MCTP2: variants seen among roughly 807,000 people sequenced by gnomAD.
The protein encoded by MCTP2 is multiple C2 and transmembrane domain-containing protein 2.
A neutral mutation model predicts 111.6 loss-of-function variants in MCTP2; 132 were observed. The observed-to-expected ratio is 1.18, with a 90% CI of 1.03 to 1.37. MCTP2 has a LOEUF of 1.37. Ranked by LOEUF, MCTP2 falls within the 40% of genes most tolerant of loss-of-function variation. The probability of loss-of-function intolerance (pLI) is 0.00; values close to 1 mark genes in which losing one functional copy is unlikely to be tolerated. For missense variants in MCTP2, 1,183 were observed against 1,067.9 expected, an observed-to-expected ratio of 1.11 and a Z score of -1.50; for synonymous variants, 395 against 387.7, an observed-to-expected ratio of 1.02 and a Z score of -0.22.
intron 1 of MCTP2, among the ~76,000 whole-genome samples, chr15:94,275,942 T>C (rs1281647928): frequency 6.7e-6 from 1 of 150,168 alleles, no homozygotes; most frequent in Non-Finnish European, 1.5e-5. Context: ...TCTGCCTCCC[T>C]GGTTCAAGCA....
At chr15:94,439,797 A>C (rs1164667543) in intron 17 of MCTP2, among the ~76,000 whole-genome samples, 1 of 152,244 alleles carries the variant, frequency 6.6e-6, no homozygotes, top group African/African-American at 2.4e-5. Context: ...CAATATTGGC[A>C]GCCAACTGAA....
At chr15:94,455,011 G>A (rs2084724033) in intron 19 of MCTP2, among the ~76,000 whole-genome samples, 1 of 152,142 alleles carries the variant, frequency 6.6e-6, no homozygotes, top group African/African-American at 2.4e-5. Context: ...TAGTAGAGAC[G>A]GGGTTTTACC....
intron 4 of MCTP2, among the ~76,000 whole-genome samples, chr15:94,325,076 G>T (rs1472194392): frequency 6.6e-6 from 1 of 152,190 alleles, no homozygotes; most frequent in Non-Finnish European, 1.5e-5. Flanking sequence ...GTGCCCTACA[G>T]ACATCATTTT....
chr15:94,364,067 T>TA (rs11429762), intron 10 of MCTP2, among the ~76,000 whole-genome samples: 97,514 of 147,524 alleles, frequency 0.66, 32,217 homozygotes, highest in African/African-American at 0.73. Flanking sequence ...AAATTTACAT[T>TA]AAAAAAAAAA....
chr15:94,328,342 A>G (rs886238722), intron 4 of MCTP2, among the ~76,000 whole-genome samples: 1 of 151,768 alleles, frequency 6.6e-6, no homozygotes, highest in Non-Finnish European at 1.5e-5. Context: ...GTTAGCCAGG[A>G]TGGTCTTGAT....
chr15:94,368,035 G>A (rs9652523), intron 11 of MCTP2, among the ~76,000 whole-genome samples: 3,073 of 152,302 alleles, frequency 0.02, 106 homozygotes, highest in African/African-American at 0.069. Flanking sequence ...TGAATTTTTA[G>A]CGTTTAGCAA....
In MCTP2 at chr15:94,341,141, T is replaced by G. The variant is rs1040841655; in HGVS notation, c.969+217T>G. On this transcript the variant is annotated intron_variant, in intron 7 of 22. Coordinates refer to ENST00000357742, the MANE Select transcript of MCTP2 (RefSeq NM_001385001.1). ...ATTTGTTAAGGAATTATTTCTTTTGTGTTATTAAGATGATCAGGCATACAT... is the reference window on the plus strand; with the variant it reads ...ATTTGTTAAGGAATTATTTCTTTTGGGTTATTAAGATGATCAGGCATACAT... 1.0e-5 allele frequency: 5 copies of G among 492,266 alleles called. No individual in the cohort carries two copies. In the Admixed American group the frequency reaches 1.0e-4, roughly 10 times the overall value. 30.5% of individuals were successfully genotyped at this position (492,266 alleles called of 1,614,324 possible). A position where few individuals can be genotyped will look rare whatever the true frequency, so the allele number is the denominator to read the frequency against.
intron 17 of MCTP2, among the ~76,000 whole-genome samples, chr15:94,437,415 C>A (rs1026428567): frequency 6.6e-6 from 1 of 151,504 alleles, no homozygotes; most frequent in East Asian, 1.9e-4. Context: ...AAAATTGTTC[C>A]GTTGCTATTT....
intron 1 of MCTP2, among the ~76,000 whole-genome samples, chr15:94,293,491 C>T (rs1239089739): frequency 6.6e-6 from 1 of 152,034 alleles, no homozygotes; most frequent in Non-Finnish European, 1.5e-5. Flanking sequence ...AATTAAAAAC[C>T]CAGATGTTGA....
At chr15:94,464,257 T>TTATA (rs1555481313) in intron 20 of MCTP2, among the ~76,000 whole-genome samples, 2,407 of 44,896 alleles carry the variant, frequency 0.054, 238 homozygotes, top group African/African-American at 0.13. Flanking sequence ...TATATATATA[T>TTATA]TATATATATA....
intron 17 of MCTP2, among the ~76,000 whole-genome samples, chr15:94,425,596 A>G (rs2082845500): frequency 6.6e-6 from 1 of 152,166 alleles, no homozygotes; most frequent in Non-Finnish European, 1.5e-5. Flanking sequence ...CAAAAGAAAA[A>G]ACAAAAATAA....
At chr15:94,243,730 T>TGC (rs199753368) in intron 1 of MCTP2, among the ~76,000 whole-genome samples, 56,944 of 141,720 alleles carry the variant, frequency 0.4, 11,416 homozygotes, top group Non-Finnish European at 0.44. Context: ...CACATACATA[T>TGC]GTGTATACAT....
intron 17 of MCTP2, 133 bp from the exon 18 acceptor site, chr15:94,440,043 A>T: frequency 1.0e-6 from 1 of 995,246 alleles, no homozygotes; most frequent in Non-Finnish European, 1.5e-6. Flanking sequence ...GTGTGTGCGT[A>T]CCTGTTTGGA....
intron 12 of MCTP2, among the ~76,000 whole-genome samples, chr15:94,381,979 A>G (rs1429806188): frequency 1.3e-5 from 2 of 152,208 alleles, no homozygotes; most frequent in Non-Finnish European, 2.9e-5. Flanking sequence ...TTCCCATTGT[A>G]TATTTTGAAG....
At position 94,478,997 on chromosome 15, in the gene MCTP2, G is replaced by C; in HGVS notation, c.2600G>C (p.Ser867Thr). The C allele has an allele frequency of 1.2e-6, 2 of 1,614,074 alleles. No individual in the cohort carries two copies. Among genetic ancestry groups the C allele is most frequent in the Non-Finnish European group, 1.7e-6 (2 of 1,180,004 alleles). Residue 867 changes from serine to threonine, a missense_variant, in exon 23 of 23, where the codon AGC becomes ACC. Physicochemically the swap from Ser to Thr is moderately conservative, Grantham distance 58. Transcript: ENST00000357742. Reference protein sequence around the residue: ...VQYAELKLCSSHSPLRKKRSA... With the variant: ...VQYAELKLCSTHSPLRKKRSA... ...TATGCAGAATTGAAACTCTGCAGCA[G>C]CCACAGCCCCCTGCGGAAGAAGCGC...
rs1040425030 is a variant in MCTP2, at chr15:94,339,432, G to T, written c.780G>T (p.Lys260Asn). Residue 260 changes from lysine (K) to asparagine (N), a missense_variant and splice_region_variant, in exon 5 of 23, where the codon AAG becomes AAT. Coordinates refer to ENST00000357742, the MANE Select transcript of MCTP2 (RefSeq NM_001385001.1). The part of the protein sequence containing the change: ...IQSLDQKLRV[K>N]VYDRDLTTSD... ...GCCTTGATCAAAAGCTACGTGTGAA[G>T]GTAATCACAGATAGCTTTCAAATCT... The T allele has an allele frequency of 1.9e-6, 3 of 1,584,542 alleles. No individual in the cohort carries two copies. Among genetic ancestry groups the T allele is most frequent in the Non-Finnish European group, 2.6e-6 (3 of 1,167,520 alleles).
At chr15:94,396,717 T>C (rs1256759818) in intron 14 of MCTP2, among the ~76,000 whole-genome samples, 1 of 152,192 alleles carries the variant, frequency 6.6e-6, no homozygotes. Flanking sequence ...GCTTTTATCT[T>C]TTCTCTAAAG....
intron 10 of MCTP2, among the ~76,000 whole-genome samples, chr15:94,364,491 A>G (rs537193789): frequency 6.6e-6 from 1 of 152,298 alleles, no homozygotes; most frequent in East Asian, 1.9e-4. Context: ...ACACTAATGA[A>G]AAAGAAGAAG....
At chr15:94,422,284 A>G (rs2152494505) in intron 17 of MCTP2, among the ~76,000 whole-genome samples, 1 of 152,236 alleles carries the variant, frequency 6.6e-6, no homozygotes, top group Admixed American at 6.5e-5. Flanking sequence ...TCAAAAGGGA[A>G]AGGAGAATAG....
Sources: gnomAD v4.1 joint callset for allele counts (sites outside exome capture counted in the v4.1 genomes callset) on GRCh38, gnomAD v4.1.1 for gene constraint, MANE v1.5 for transcripts, NCBI Gene and HGNC (gene_info 2026-07-23, HGNC 2026-07-21) for gene names.